The following MPP3 variants were observed in gnomAD, a reference collection of about 807,000 sequenced individuals.
MPP3 encodes the protein MAGUK p55 scaffold protein 3.
MPP3 carries 48 observed loss-of-function variants against 80.7 expected under a neutral mutation model. The observed-to-expected ratio is 0.59, with a 90% confidence interval of 0.47 to 0.76. The LOEUF is 0.76. Ranked by LOEUF, MPP3 falls within the 30% of genes least tolerant of loss-of-function variation. MPP3 has a pLI of 0.00. For synonymous variants in MPP3, 311 were observed against 297.6 expected (o/e 1.04, Z -0.46); for missense variants, 620 against 763.0 (o/e 0.81, Z 2.21).
intron 8 of MPP3, 68 bp from the exon 9 acceptor site, chr17:43,825,909 A>C (rs971093446): frequency 7.9e-6 from 8 of 1,016,336 alleles, no homozygotes; most frequent in Non-Finnish European, 1.2e-5. Context: ...CAGAGCTCCA[A>C]GCACCACAGG....
At chr17:43,821,928 C>T (rs1186048541) in intron 10 of MPP3, among the ~76,000 whole-genome samples, 1 of 152,136 alleles carries the variant, frequency 6.6e-6, no homozygotes, top group African/African-American at 2.4e-5. Flanking sequence ...CTTAACCAGC[C>T]ACAGATGTTA....
chr17:43,815,694 G>A (rs375073217), intron 14 of MPP3: 51 of 475,446 alleles, frequency 1.1e-4, no homozygotes, highest in East Asian at 7.2e-4. Context: ...AGGGGCTCTG[G>A]AGAGCCGCAA....
intron 11 of MPP3, among the ~76,000 whole-genome samples, chr17:43,819,925 GTTT>G (rs1293079891): frequency 3.3e-5 from 5 of 151,906 alleles, no homozygotes; most frequent in Admixed American, 3.3e-4. Context: ...CTCCTCTTCA[GTTT>G]TTTTCTGTTT....
intron 9 of MPP3, 66 bp from the exon 10 acceptor site, chr17:43,824,071 C>T (rs1382933864): frequency 8.7e-7 from 1 of 1,143,536 alleles, no homozygotes; most frequent in South Asian, 1.4e-5. Context: ...TCAACTCCTA[C>T]TTCTCAGGCC....
intron 8 of MPP3, among the ~76,000 whole-genome samples, chr17:43,827,328 T>G (rs192423669): frequency 0.037 from 5,186 of 138,478 alleles, 321 homozygotes; most frequent in African/African-American, 0.14. Context: ...TTTTTTTTTT[T>G]CTTTTTTTTT....
intron 10 of MPP3, among the ~76,000 whole-genome samples, chr17:43,822,680 A>AAAAAAAAAAAAG (rs2045521534): frequency 6.7e-6 from 1 of 149,022 alleles, no homozygotes; most frequent in African/African-American, 2.5e-5. Flanking sequence ...TCCCATCCTA[A>AAAAAAAAAAAAG]AAAAAAAAAA....
chr17:43,815,802 CT>C, intron 14 of MPP3: 1 of 678,414 alleles, frequency 1.5e-6, no homozygotes, highest in Admixed American at 2.2e-5. Context: ...GTGTGTGTGC[CT>C]TTCCCGCCAG....
At chr17:43,807,588 G>A (rs1410972434) in intron 19 of MPP3, among the ~76,000 whole-genome samples, 1 of 152,088 alleles carries the variant, frequency 6.6e-6, no homozygotes, top group Admixed American at 6.5e-5. Flanking sequence ...CCAAAGTGCT[G>A]AGACACAGGT....
intron 12 of MPP3, among the ~76,000 whole-genome samples, chr17:43,817,763 G>A (rs1334755985): frequency 6.6e-6 from 1 of 152,132 alleles, no homozygotes; most frequent in East Asian, 1.9e-4. Context: ...ATCCTCACAC[G>A]CACATGCACA....
intron 16 of MPP3, 155 bp from the exon 17 acceptor site, chr17:43,811,360 C>T: frequency 1.6e-6 from 1 of 620,098 alleles, no homozygotes; most frequent in Non-Finnish European, 2.9e-6. Context: ...GGCACTGTGC[C>T]TTTCCAGGCA....
chr17:43,824,254 G>A (rs1052562173), intron 9 of MPP3, among the ~76,000 whole-genome samples: 10 of 152,106 alleles, frequency 6.6e-5, no homozygotes, highest in Non-Finnish European at 1.0e-4. Context: ...AGCAGTGGCG[G>A]GTTGGTAACT....
chr17:43,829,963 G>C, intron 6 of MPP3, 64 bp downstream of exon 6: 1 of 1,569,436 alleles, frequency 6.4e-7, no homozygotes, highest in Non-Finnish European at 8.7e-7. Flanking sequence ...CATTAGGAGA[G>C]CTCCCTCCGC....
At chr17:43,814,762 A>G (rs1277806025) in intron 14 of MPP3, 1 of 160,576 alleles carries the variant, frequency 6.2e-6, no homozygotes, top group Non-Finnish European at 1.4e-5. Flanking sequence ...AAATAACAGC[A>G]TATAACAGAT....
intron 19 of MPP3, among the ~76,000 whole-genome samples, chr17:43,808,295 C>T (rs369766674): frequency 6.6e-6 from 1 of 152,116 alleles, no homozygotes; most frequent in East Asian, 1.9e-4. Flanking sequence ...CTGACTGCCC[C>T]CACCACCCAC....
chr17:43,831,614 T>G lies in MPP3; in HGVS notation c.89A>C (p.Glu30Ala). ...GAAAACATCCCTCAGGAAGCCCATCTCCTCCTTGTGGTTGGAGTCAGGTCT... is the reference window on the plus strand; with the variant it reads ...GAAAACATCCCTCAGGAAGCCCATCGCCTCCTTGTGGTTGGAGTCAGGTCT... ...QLRPDSNHKE[E>A]MGFLRDVFSE... Residue 30 changes from glutamate to alanine, a missense_variant, in exon 4 of 20, where the codon GAG becomes GCG. Physicochemically the swap from Glu to Ala is moderately radical, Grantham distance 107 (BLOSUM62 -1). Transcript: ENST00000398389. The G allele has an allele frequency of 1.2e-6, 2 of 1,613,894 alleles. No homozygotes were observed. Among genetic ancestry groups the G allele is most frequent in the Non-Finnish European group, 1.7e-6 (2 of 1,179,916 alleles).
intron 19 of MPP3, among the ~76,000 whole-genome samples, chr17:43,802,656 A>C (rs924040671): frequency 6.6e-6 from 1 of 152,228 alleles, no homozygotes; most frequent in African/African-American, 2.4e-5. Context: ...GTTGTCTGAC[A>C]ATTAGCCTGG....
chr17:43,829,187 C>A (rs369563746), intron 7 of MPP3, among the ~76,000 whole-genome samples: 5 of 152,258 alleles, frequency 3.3e-5, no homozygotes, highest in African/African-American at 1.2e-4. Flanking sequence ...CATTGTCACA[C>A]GTTTTCTATA....
rs1173383791 is a variant in MPP3 at position 43,814,351 on chromosome 17, C to T, written c.1020G>A (p.Arg340=). The T allele has an allele frequency of 6.2e-7, 1 of 1,602,446 alleles. No individual in the cohort carries two copies. The highest frequency in any genetic ancestry group is 1.1e-5 in the South Asian group (1 of 90,392). ...YLKGHYVAGL[R]RSFRLGCRER... is the part of the protein sequence containing the mutation. Reference sequence around the variant, plus strand: ...CCCTACAGCCCAGCCGGAAGCTCCTCCGAAGACCAGCTTGGGAGGAGGGGC... The same window carrying T: ...CCCTACAGCCCAGCCGGAAGCTCCTTCGAAGACCAGCTTGGGAGGAGGGGC... Residue 340 remains arginine (R), a synonymous_variant, in exon 15 of 20, where the codon CGG becomes CGA. Transcript: ENST00000398389.
At chr17:43,817,565 C>G (rs892290533) in intron 12 of MPP3, among the ~76,000 whole-genome samples, 1 of 152,050 alleles carries the variant, frequency 6.6e-6, no homozygotes, top group African/African-American at 2.4e-5. Flanking sequence ...TACTAGAAAC[C>G]AATCTGTCAT....
Sources: gnomAD v4.1 joint callset for allele counts (sites outside exome capture counted in the v4.1 genomes callset) on GRCh38, gnomAD v4.1.1 for gene constraint, MANE v1.5 for transcripts, NCBI Gene and HGNC (gene_info 2026-07-23, HGNC 2026-07-21) for gene names.